Variants in FBXL17 observed in about 807,000 individuals in gnomAD.
The protein encoded by FBXL17 is F-box and leucine rich repeat protein 17, also known as F-box/LRR-repeat protein 17.
In FBXL17, 22 loss-of-function variants were observed where a neutral mutation model predicts 66.2. That is an observed-to-expected ratio of 0.33 (90% CI 0.24 to 0.47). The LOEUF (loss-of-function observed/expected upper bound fraction) is 0.47. FBXL17 is among the 20% of genes least tolerant of loss of function. The pLI is 1.00. For missense variants in FBXL17, 878 were observed against 948.2 expected (o/e 0.93, Z 0.97); for synonymous variants, 474 against 400.5 (o/e 1.18, Z -2.19).
At chr5:107,909,876 A>C (rs2112545099) in intron 7 of FBXL17, among the ~76,000 whole-genome samples, 1 of 152,288 alleles carries the variant, frequency 6.6e-6, no homozygotes, top group East Asian at 1.9e-4. Context: ...ACATTTCAGG[A>C]ATAAAAGTCA....
intron 7 of FBXL17, among the ~76,000 whole-genome samples, chr5:107,902,587 T>G (rs1378773230): frequency 6.6e-6 from 1 of 152,114 alleles, no homozygotes; most frequent in Admixed American, 6.6e-5. Flanking sequence ...GGATTATCCC[T>G]CAGACTTAAG....
chr5:108,381,441 G>C lies in FBXL17; in HGVS notation c.251C>G (p.Pro84Arg). The C allele has an allele frequency of 7.6e-7, 1 of 1,315,686 alleles. No homozygotes were observed. The highest frequency in any genetic ancestry group is 9.6e-7 in the Non-Finnish European group (1 of 1,040,122). The allele number at this position is 1,315,686 out of a possible 1,614,324, so 81.5% of individuals were successfully genotyped here. A position where few individuals can be genotyped will look rare whatever the true frequency, so the allele number is the denominator to read the frequency against. The change falls in exon 1 of 9, where the codon CCG becomes CGG. Residue 84 changes from proline (P) to arginine (R), a missense_variant. Pro to Arg is a moderately radical substitution (Grantham distance 103, BLOSUM62 -2). This residue lies in a region of FBXL17 where 605 missense variants were observed against 509.5 expected (regional missense o/e 1.19). Transcript: ENST00000542267. ...AGPEEEPPLS[P>R]PPRDGAYAAA... ...AGCGTAGGCCCCGTCCCGCGGCGGC[G>C]GCGAGAGCGGCGGCTCCTCCTCTGG...
intron 7 of FBXL17, among the ~76,000 whole-genome samples, chr5:107,952,482 A>AAACAATTAAT (rs1561336262): frequency 6.6e-6 from 1 of 152,214 alleles, no homozygotes; most frequent in Non-Finnish European, 1.5e-5. Flanking sequence ...GTTTCTTATT[A>AAACAATTAAT]AAGGGTCAAA....
At chr5:108,106,462 C>T (rs1052921775) in intron 6 of FBXL17, among the ~76,000 whole-genome samples, 1 of 152,202 alleles carries the variant, frequency 6.6e-6, no homozygotes, top group Non-Finnish European at 1.5e-5. Context: ...AATGTATATA[C>T]AAATATTCAC....
At chr5:108,052,848 CAAAT>C (rs535181677) in intron 6 of FBXL17, among the ~76,000 whole-genome samples, 3 of 152,072 alleles carry the variant, frequency 2.0e-5, no homozygotes, top group Non-Finnish European at 4.4e-5. Flanking sequence ...CCAAAACAGA[CAAAT>C]AGACCAATGG....
At chr5:107,973,747 G>A (rs942668233) in intron 7 of FBXL17, among the ~76,000 whole-genome samples, 2 of 151,346 alleles carry the variant, frequency 1.3e-5, no homozygotes, top group Non-Finnish European at 2.9e-5. Context: ...AATGAAAAAC[G>A]CAGAATGGAA....
At chr5:107,888,720 A>C (rs1029147431) in intron 7 of FBXL17, among the ~76,000 whole-genome samples, 5 of 152,184 alleles carry the variant, frequency 3.3e-5, no homozygotes, top group Non-Finnish European at 5.9e-5. Flanking sequence ...TCAATGCTGT[A>C]TAATGTTTCA....
At chr5:108,284,423 T>C (rs923010266) in intron 4 of FBXL17, among the ~76,000 whole-genome samples, 2 of 151,884 alleles carry the variant, frequency 1.3e-5, no homozygotes, top group Non-Finnish European at 2.9e-5. Context: ...CTGGACGTCA[T>C]TATCCTAAGT....
At chr5:108,083,514 T>C (rs1400517177) in intron 6 of FBXL17, among the ~76,000 whole-genome samples, 2 of 151,910 alleles carry the variant, frequency 1.3e-5, no homozygotes, top group Non-Finnish European at 2.9e-5. Flanking sequence ...CATTCTCGCA[T>C]CTCAGCCTCC....
intron 6 of FBXL17, among the ~76,000 whole-genome samples, chr5:108,167,486 A>C (rs889997098): frequency 3.3e-5 from 5 of 152,204 alleles, no homozygotes; most frequent in Non-Finnish European, 7.3e-5. Flanking sequence ...CCAGTGATAA[A>C]ATTTTGGAAC....
rs976327521 is a variant in FBXL17 at position 108,314,265 on chromosome 5, A to G, written c.1506+34134T>C. Among the ~76,000 whole-genome samples, 30 of 151,866 alleles carry G rather than the reference A, an allele frequency of 2.0e-4. 1 individual carries two copies. The East Asian group carries it at 4.8e-3, about 24-fold the overall frequency. ...TGTGATAAAAGAAAAAAAGGCATCT[A>G]GCAACTGAAATACGCTCTTAAAAAC... On this transcript the variant is annotated intron_variant, in intron 4 of 8. Coordinates refer to ENST00000542267, the MANE Select transcript of FBXL17 (RefSeq NM_001163315.3).
At chr5:108,208,854 A>C (rs1754242535) in intron 5 of FBXL17, among the ~76,000 whole-genome samples, 1 of 152,184 alleles carries the variant, frequency 6.6e-6, no homozygotes, top group Admixed American at 6.5e-5. Context: ...GAAGAAAGTC[A>C]GTGGCAGCTT....
At chr5:108,091,619 CAT>C (rs1561405367) in intron 6 of FBXL17, among the ~76,000 whole-genome samples, 1 of 152,036 alleles carries the variant, frequency 6.6e-6, no homozygotes. Flanking sequence ...TAGGTTGTTA[CAT>C]ATGTTTCTTG....
intron 7 of FBXL17, among the ~76,000 whole-genome samples, chr5:107,914,901 A>T (rs1750077264): frequency 6.6e-6 from 1 of 152,200 alleles, no homozygotes; most frequent in African/African-American, 2.4e-5. Context: ...TCCATGAGCT[A>T]ATAAACCTCC....
At position 107,880,955 on chromosome 5, in the gene FBXL17, TAGAG is replaced by T. The variant is rs750837374; in HGVS notation, c.1965+78_1965+81del. ...AATATATAATACACGGGGGTGGAGA[TAGAG>T]AAGGAGAGAGGATATGACATCAAGC... On this transcript the variant is annotated intron_variant, in intron 8 of 8. Transcript: ENST00000542267. The T allele has an allele frequency of 1.9e-5, 30 of 1,610,474 alleles. 2 individuals are homozygous for T. Among genetic ancestry groups the T allele is most frequent in the Non-Finnish European group, 2.3e-5 (27 of 1,178,306 alleles).
intron 4 of FBXL17, among the ~76,000 whole-genome samples, chr5:108,244,603 TG>T (rs1357271730): frequency 6.6e-6 from 1 of 152,182 alleles, no homozygotes; most frequent in Non-Finnish European, 1.5e-5. Context: ...TGAACACTAC[TG>T]GGCACTAACT....
intron 6 of FBXL17, among the ~76,000 whole-genome samples, chr5:108,116,632 A>C (rs1479256237): frequency 6.6e-6 from 1 of 151,968 alleles, no homozygotes; most frequent in Non-Finnish European, 1.5e-5. Flanking sequence ...TGGCGACAGA[A>C]CAAGACTCCG....
intron 6 of FBXL17, among the ~76,000 whole-genome samples, chr5:108,024,733 A>C (rs1391672946): frequency 6.6e-6 from 1 of 152,200 alleles, no homozygotes; most frequent in East Asian, 1.9e-4. Context: ...GTTATTTTTG[A>C]TAATAATGTA....
intron 4 of FBXL17, among the ~76,000 whole-genome samples, chr5:108,252,399 C>T (rs1017640615): frequency 7.2e-5 from 11 of 151,834 alleles, no homozygotes; most frequent in South Asian, 2.1e-4. Flanking sequence ...AAACATCATT[C>T]GTACAAAATT....
Sources: allele counts gnomAD v4.1 joint callset (sites outside exome capture counted in the v4.1 genomes callset), GRCh38; gene constraint gnomAD v4.1.1; regional missense constraint gnomAD v4.1.1; transcripts MANE v1.5; gene names NCBI Gene and HGNC (gene_info 2026-07-23, HGNC 2026-07-21).